CLNK: variants seen among roughly 807,000 people sequenced by gnomAD.
CLNK encodes cytokine dependent hematopoietic cell linker.
In CLNK, 74 loss-of-function variants were observed where a neutral mutation model predicts 68.6. The ratio of observed to expected loss-of-function variants is 1.08; its 90% CI spans 0.89 to 1.31. The LOEUF (loss-of-function observed/expected upper bound fraction) is 1.31, where lower values mean the gene tolerates loss of function less well. Among genes scored for constraint, CLNK ranks in the 50% most tolerant of loss-of-function variants. The pLI, the probability that CLNK is intolerant of heterozygous loss-of-function variation, is 0.00. For missense variants in CLNK, 553 were observed against 515.3 expected, an observed-to-expected ratio of 1.07 and a Z score of -0.71; for synonymous variants, 198 against 172.2, an observed-to-expected ratio of 1.15 and a Z score of -1.17.
At chr4:10,557,258 C>T (rs1719711370) in intron 8 of CLNK, among the ~76,000 whole-genome samples, 1 of 152,066 alleles carries the variant, frequency 6.6e-6, no homozygotes, top group African/African-American at 2.4e-5. Context: ...CCAGAACCTC[C>T]CTCCACCTTC....
At chr4:10,719,175 T>C in the CLNK span, among the ~76,000 whole-genome samples, 1 of 151,802 alleles carries the variant, frequency 6.6e-6, no homozygotes, top group African/African-American at 2.4e-5. Context: ...GAAAATAAAA[T>C]AGCAATCTTA....
the CLNK span, among the ~76,000 whole-genome samples, chr4:10,722,974 C>T: frequency 8.6e-5 from 13 of 151,344 alleles, no homozygotes; most frequent in African/African-American, 2.7e-4. Flanking sequence ...TGCTTGAACC[C>T]GGGAGGTTGC....
At chr4:10,667,799 C>A in intron 2 of CLNK, 60 bp downstream of exon 2, 1 of 1,480,814 alleles carries the variant, frequency 6.8e-7, no homozygotes, top group Non-Finnish European at 9.1e-7. Flanking sequence ...TTCCAGAAAA[C>A]ACCTCCTGTC....
rs557774228 is a variant in CLNK, at chr4:10,552,667, C to T, written c.445+5740G>A. On this transcript the variant is annotated intron_variant, in intron 8 of 18. Transcript: ENST00000226951. ...GCAGCAAGCACCTGTTACCTGCCCTCCCATCCCTTCCCCCAAACTGCCTTT... is the reference window on the plus strand; with the variant it reads ...GCAGCAAGCACCTGTTACCTGCCCTTCCATCCCTTCCCCCAAACTGCCTTT... Among the ~76,000 whole-genome samples, 5 of 152,208 alleles carry T rather than the reference C, an allele frequency of 3.3e-5. No homozygotes were observed. The South Asian group carries it at 1.0e-3, about 32-fold the overall frequency.
intron 2 of CLNK, among the ~76,000 whole-genome samples, chr4:10,659,706 T>A (rs761873167): frequency 3.6e-4 from 55 of 152,218 alleles, no homozygotes; most frequent in Admixed American, 2.9e-3. Context: ...TTATGGCAAG[T>A]ACTTCTTTCC....
chr4:10,616,905 T>C (rs1460195477), intron 2 of CLNK, among the ~76,000 whole-genome samples: 2 of 151,618 alleles, frequency 1.3e-5, no homozygotes, highest in African/African-American at 4.9e-5. Context: ...CCTTAAAGCA[T>C]TGCCATTTAT....
intron 13 of CLNK, among the ~76,000 whole-genome samples, chr4:10,526,400 C>T (rs1404705745): frequency 1.3e-5 from 2 of 152,008 alleles, no homozygotes; most frequent in Non-Finnish European, 2.9e-5. Flanking sequence ...AATAAGCATG[C>T]AAGTAAGTCG....
intron 1 of CLNK, among the ~76,000 whole-genome samples, chr4:10,672,102 G>T (rs548718038): frequency 7.9e-5 from 12 of 152,222 alleles, no homozygotes; most frequent in East Asian, 1.9e-4. Flanking sequence ...ACCACCTAAA[G>T]TTCCTGCCTA....
chr4:10,497,026 C>CA (rs1716836936), intron 18 of CLNK, among the ~76,000 whole-genome samples: 2 of 152,148 alleles, frequency 1.3e-5, no homozygotes, highest in African/African-American at 4.8e-5. Flanking sequence ...GTTCAAGATG[C>CA]CAAGAATCTG....
At chr4:10,640,412 C>T (rs1020578588) in intron 2 of CLNK, among the ~76,000 whole-genome samples, 16 of 152,352 alleles carry the variant, frequency 1.1e-4, no homozygotes, top group Non-Finnish European at 1.5e-4. Context: ...GTGATCCTCC[C>T]GCATCAGTCT....
intron 2 of CLNK, among the ~76,000 whole-genome samples, chr4:10,625,848 G>A (rs1233831692): frequency 6.6e-6 from 1 of 152,208 alleles, no homozygotes; most frequent in East Asian, 1.9e-4. Flanking sequence ...ATGCATCTGA[G>A]GCCAATGTAG....
At chr4:10,678,502 G>A (rs1032200622) in intron 1 of CLNK, among the ~76,000 whole-genome samples, 4 of 151,808 alleles carry the variant, frequency 2.6e-5, no homozygotes, top group African/African-American at 9.7e-5. Context: ...GCACATTTGA[G>A]GAATTGTAAG....
At chr4:10,557,624 T>C (rs1560215341) in intron 8 of CLNK, among the ~76,000 whole-genome samples, 1 of 152,236 alleles carries the variant, frequency 6.6e-6, no homozygotes, top group African/African-American at 2.4e-5. Context: ...CACAATCACC[T>C]GGTAAGTAGT....
At chr4:10,700,563 G>T in the CLNK span, among the ~76,000 whole-genome samples, 20 of 152,220 alleles carry the variant, frequency 1.3e-4, no homozygotes, top group African/African-American at 4.8e-4. Context: ...TACAGATAAG[G>T]CAGATAAGGA....
the CLNK span, among the ~76,000 whole-genome samples, chr4:10,711,259 G>T: frequency 2.0e-5 from 3 of 152,140 alleles, no homozygotes; most frequent in Non-Finnish European, 2.9e-5. Flanking sequence ...GACCTCTGAG[G>T]TCCTTTCTTC....
the CLNK span, chr4:10,697,343 C>G: frequency 5.9e-5 from 9 of 152,104 alleles, no homozygotes; most frequent in African/African-American, 2.2e-4. Flanking sequence ...AATACTTGAG[C>G]AGGCCGGGGC....
rs148209397 is a variant in CLNK at position 10,516,697 on chromosome 4, C to T, written c.773-3100G>A. 1.0e-3 allele frequency among the ~76,000 whole-genome samples: 157 copies of T among 152,178 alleles called. No individual in the cohort carries two copies. The East Asian group carries it at 0.026, about 25-fold the overall frequency. On this transcript the variant is annotated intron_variant, in intron 15 of 18. Transcript: ENST00000226951. ...CCTCCCGAGTAGCTGGAATTACAGG[C>T]GCCCGCCACCATGCCCAGCTAATTT...
chr4:10,653,540 A>T (rs1723839245), intron 2 of CLNK, among the ~76,000 whole-genome samples: 2 of 152,320 alleles, frequency 1.3e-5, no homozygotes, highest in South Asian at 4.1e-4. Context: ...TGGGAATTTA[A>T]TATTTAAAAT....
At chr4:10,689,745 A>ATTTTT (rs71651341), upstream of CLNK, among the ~76,000 whole-genome samples, 7 of 100,086 alleles carry the variant, frequency 7.0e-5, no homozygotes, top group South Asian at 7.0e-4. Context: ...AAACCCATGC[A>ATTTTT]TTTTTTTTTT....
Sources: allele counts gnomAD v4.1 joint callset (sites outside exome capture counted in the v4.1 genomes callset), GRCh38; gene constraint gnomAD v4.1.1; transcripts MANE v1.5; gene names NCBI Gene and HGNC (gene_info 2026-07-23, HGNC 2026-07-21).